The following EVA1C variants were observed in gnomAD, a reference collection of about 807,000 sequenced individuals.
EVA1C encodes eva-1 homolog C, also known as protein eva-1 homolog C.
In EVA1C, 25 loss-of-function variants were observed where a neutral mutation model predicts 45.4. That is an observed-to-expected ratio of 0.55 (90% CI 0.40 to 0.77). EVA1C has a LOEUF of 0.77. Among genes scored for constraint, EVA1C ranks in the 30% least tolerant of loss-of-function variants. EVA1C has a pLI of 0.00. For missense variants in EVA1C, 479 were observed against 554.8 expected (o/e 0.86, Z 1.37); for synonymous variants, 190 against 221.2 (o/e 0.86, Z 1.25).
chr21:32,418,254 A>C lies in EVA1C; in HGVS notation c.160+5241A>C, dbSNP rs146139067. On this transcript the variant is annotated intron_variant, in intron 1 of 7. Coordinates refer to ENST00000300255, the MANE Select transcript of EVA1C (RefSeq NM_058187.5). Reference sequence around the variant, plus strand: ...GGAGTGAAAAGCCAGCTCGTAACTAAAGAAAAACAAACCAAATGTCCGAAG... The same window carrying C: ...GGAGTGAAAAGCCAGCTCGTAACTACAGAAAAACAAACCAAATGTCCGAAG... Among the ~76,000 whole-genome samples the C allele has an allele frequency of 5.2e-3, 791 of 152,350 alleles. 9 individuals are homozygous for C. Among genetic ancestry groups the C allele is most frequent in the Admixed American group, 0.028 (422 of 15,304 alleles).
At chr21:32,498,307 ATGATGGCGCATGCC>A (rs1383699556) in intron 5 of EVA1C, among the ~76,000 whole-genome samples, 1 of 152,092 alleles carries the variant, frequency 6.6e-6, no homozygotes, top group Non-Finnish European at 1.5e-5. Flanking sequence ...TTATCTGGGC[ATGATGGCGCATGCC>A]TGTAATCCCA....
intron 4 of EVA1C, among the ~76,000 whole-genome samples, chr21:32,494,659 T>A (rs1413558000): frequency 2.6e-5 from 4 of 152,072 alleles, no homozygotes; most frequent in Non-Finnish European, 5.9e-5. Context: ...GGCATGCGCC[T>A]GTAGTCCCAG....
At chr21:32,435,851 T>TTAAA (rs1368801115) in intron 1 of EVA1C, among the ~76,000 whole-genome samples, 1 of 108,164 alleles carries the variant, frequency 9.2e-6, no homozygotes, top group African/African-American at 3.6e-5. Context: ...TCCTTCTAAG[T>TTAAA]AAAGAAAAAT....
chr21:32,425,315 A>C (rs2034447270), intron 1 of EVA1C, among the ~76,000 whole-genome samples: 1 of 109,692 alleles, frequency 9.1e-6, no homozygotes, highest in Non-Finnish European at 1.8e-5. Flanking sequence ...AGCCTGGGAG[A>C]CAGAGTAAGA....
At chr21:32,425,579 C>T (rs1464342217) in intron 1 of EVA1C, among the ~76,000 whole-genome samples, 3 of 152,110 alleles carry the variant, frequency 2.0e-5, no homozygotes, top group Non-Finnish European at 2.9e-5. Flanking sequence ...CTGTGTCTCT[C>T]CCTGGCTATT....
At chr21:32,498,249 C>T (rs2087390425) in intron 5 of EVA1C, among the ~76,000 whole-genome samples, 1 of 152,072 alleles carries the variant, frequency 6.6e-6, no homozygotes, top group Non-Finnish European at 1.5e-5. Flanking sequence ...GAGTTCGAGA[C>T]CAGCCTGGAA....
rs569068351 is a variant in EVA1C at position 32,427,667 on chromosome 21, C to T, written c.160+14654C>T. On this transcript the variant is annotated intron_variant, in intron 1 of 7. Coordinates refer to ENST00000300255, the MANE Select transcript of EVA1C (RefSeq NM_058187.5). ...GGCGGAGGTTGCAGTGAGCCGATAT[C>T]GTGCCACTGCACTCCAGCCTGGTGA... is the stretch of plus-strand genomic sequence containing the variant. 4.0e-5 allele frequency among the ~76,000 whole-genome samples: 6 copies of T among 150,532 alleles called. No individual in the cohort carries two copies. The East Asian group carries it at 8.0e-4, about 20-fold the overall frequency.
At chr21:32,455,604 C>T (rs1008081432) in intron 2 of EVA1C, among the ~76,000 whole-genome samples, 1 of 152,130 alleles carries the variant, frequency 6.6e-6, no homozygotes, top group African/African-American at 2.4e-5. Flanking sequence ...CTGCTGCCCT[C>T]CTGGGTGCAT....
chr21:32,471,681 TGCA>T (rs2036382710), intron 4 of EVA1C, among the ~76,000 whole-genome samples: 1 of 149,652 alleles, frequency 6.7e-6, no homozygotes, highest in African/African-American at 2.5e-5. Flanking sequence ...CAGGCTAGAG[TGCA>T]GCGGTGCGAT....
At chr21:32,446,614 G>A (rs1039212471) in intron 1 of EVA1C, among the ~76,000 whole-genome samples, 24 of 152,150 alleles carry the variant, frequency 1.6e-4, no homozygotes, top group Non-Finnish European at 2.9e-4. Flanking sequence ...CTTGCCTACC[G>A]GGAAAGCAGC....
intron 1 of EVA1C, among the ~76,000 whole-genome samples, chr21:32,424,710 C>T (rs2833811): frequency 0.1 from 15,399 of 152,192 alleles, 2,185 homozygotes; most frequent in African/African-American, 0.32. Context: ...GAACTGGTCA[C>T]GGCAGGCTGT....
chr21:32,413,011 C>A lies in EVA1C; in HGVS notation c.158C>A (p.Ser53Tyr), dbSNP rs868075415. The change falls in exon 1 of 8, where the codon TCT becomes TAT. Residue 53 changes from serine (S) to tyrosine (Y), a missense_variant and splice_region_variant. By Grantham distance (144) the Ser-to-Tyr change is moderately radical (BLOSUM62 -2). This residue lies in a region of EVA1C where 33 missense variants were observed against 64.9 expected (regional missense o/e 0.51). Transcript: ENST00000300255. ...GAGATCTCAGCGCTCACCGACTTCT[C>A]TGGTAAGAGCGCCCTCCCTGGCTGT... ...SKEISALTDF[S>Y]GYLTKLLQNH... 2.1e-6 allele frequency: 3 copies of A among 1,413,458 alleles called. No individual in the cohort carries two copies. Among genetic ancestry groups the A allele is most frequent in the Non-Finnish European group, 1.9e-6 (2 of 1,074,074 alleles). The allele number at this position is 1,413,458 out of a possible 1,614,324, so 87.6% of individuals were successfully genotyped here. A position where few individuals can be genotyped will look rare whatever the true frequency, so the allele number is the denominator to read the frequency against.
intron 4 of EVA1C, among the ~76,000 whole-genome samples, chr21:32,480,430 G>T (rs2036738622): frequency 6.6e-6 from 1 of 152,064 alleles, no homozygotes; most frequent in African/African-American, 2.4e-5. Context: ...ATACAAAGTA[G>T]TATGTATGTG....
At chr21:32,478,953 C>A (rs774996843) in intron 4 of EVA1C, among the ~76,000 whole-genome samples, 14 of 152,278 alleles carry the variant, frequency 9.2e-5, no homozygotes, top group African/African-American at 1.9e-4. Context: ...GCCAGAGGTT[C>A]CCACTGCCAA....
intron 1 of EVA1C, among the ~76,000 whole-genome samples, chr21:32,419,653 T>G (rs2034186876): frequency 6.6e-6 from 1 of 152,144 alleles, no homozygotes; most frequent in South Asian, 2.1e-4. Context: ...AGGTGAAGGT[T>G]GCAGTGAGCC....
At chr21:32,484,783 C>T (rs982133218) in intron 4 of EVA1C, among the ~76,000 whole-genome samples, 2 of 152,122 alleles carry the variant, frequency 1.3e-5, no homozygotes, top group Non-Finnish European at 2.9e-5. Flanking sequence ...TGAGCTCCCT[C>T]GACTCACCCC....
intron 1 of EVA1C, among the ~76,000 whole-genome samples, chr21:32,435,329 C>T (rs1282019258): frequency 1.3e-5 from 2 of 152,186 alleles, no homozygotes; most frequent in African/African-American, 4.8e-5. Flanking sequence ...GCTGGGATTA[C>T]AAGTGTGAGC....
rs2146491431 is a variant in EVA1C at position 32,515,251 on chromosome 21, T to G, written c.*61T>G. Reference sequence around the variant, plus strand: ...AAGAAGGAAGGATCCCAAATGCCCCTCCAGTTCTGGTTCACCTGTACCTTC... The same window carrying G: ...AAGAAGGAAGGATCCCAAATGCCCCGCCAGTTCTGGTTCACCTGTACCTTC... On this transcript the variant is annotated 3_prime_UTR_variant, in exon 8 of 8. Coordinates refer to ENST00000300255, the MANE Select transcript of EVA1C (RefSeq NM_058187.5). 6.6e-7 allele frequency: 1 copy of G among 1,510,406 alleles called. No homozygotes were observed. The highest frequency in any genetic ancestry group is 2.3e-5 in the East Asian group (1 of 43,844). 93.6% of individuals were successfully genotyped at this position (1,510,406 alleles called of 1,614,324 possible).
At chr21:32,441,681 A>G (rs975906968) in intron 1 of EVA1C, among the ~76,000 whole-genome samples, 3 of 152,200 alleles carry the variant, frequency 2.0e-5, no homozygotes, top group Non-Finnish European at 2.9e-5. Flanking sequence ...ACAACTACAT[A>G]GGAAAATCCA....
Sources: gnomAD v4.1 joint callset for allele counts (sites outside exome capture counted in the v4.1 genomes callset) on GRCh38, gnomAD v4.1.1 for gene constraint, gnomAD v4.1.1 regional missense constraint, MANE v1.5 for transcripts, NCBI Gene and HGNC (gene_info 2026-07-23, HGNC 2026-07-21) for gene names.